Variants in EXOC4 observed in about 807,000 individuals in gnomAD.
The protein encoded by EXOC4 is SEC8-like 1.
EXOC4 carries 71 observed loss-of-function variants against 107.2 expected under a neutral mutation model. That is an observed-to-expected ratio of 0.66 (90% CI 0.55 to 0.81). The LOEUF (loss-of-function observed/expected upper bound fraction) is 0.81, where lower values mean the gene tolerates loss of function less well. EXOC4 is among the 30% of genes least tolerant of loss of function. EXOC4 has a pLI of 0.00. For synonymous variants in EXOC4, 456 were observed against 441.2 expected, an observed-to-expected ratio of 1.03 and a Z score of -0.42; for missense variants, 1,108 against 1,189.6, an observed-to-expected ratio of 0.93 and a Z score of 1.01.
intron 14 of EXOC4, among the ~76,000 whole-genome samples, chr7:133,976,807 T>C (rs770531692): frequency 6.6e-6 from 1 of 152,240 alleles, no homozygotes; most frequent in Non-Finnish European, 1.5e-5. Context: ...TTAGCTCTTA[T>C]GTCCTAACAA....
At chr7:133,512,800 A>G (rs1401553376) in intron 9 of EXOC4, among the ~76,000 whole-genome samples, 3 of 152,156 alleles carry the variant, frequency 2.0e-5, no homozygotes, top group Non-Finnish European at 4.4e-5. Flanking sequence ...AAGGTTGATC[A>G]TTCTCATCTT....
At chr7:133,910,736 C>A (rs369607606) in intron 12 of EXOC4, among the ~76,000 whole-genome samples, 1 of 152,120 alleles carries the variant, frequency 6.6e-6, no homozygotes, top group African/African-American at 2.4e-5. Context: ...CTAAATTGGA[C>A]GACGGCACTT....
chr7:133,348,660 C>G (rs1054254709), intron 5 of EXOC4, among the ~76,000 whole-genome samples: 2 of 152,178 alleles, frequency 1.3e-5, no homozygotes, highest in Non-Finnish European at 2.9e-5. Flanking sequence ...CCCAAACATG[C>G]TGAATTTAGT....
chr7:133,705,261 G>A (rs1794744599), intron 10 of EXOC4, among the ~76,000 whole-genome samples: 1 of 152,100 alleles, frequency 6.6e-6, no homozygotes, highest in South Asian at 2.1e-4. Context: ...CAGCAATTCA[G>A]GAGTCTAAGG....
At chr7:133,673,008 C>T (rs1793981284) in intron 10 of EXOC4, among the ~76,000 whole-genome samples, 1 of 152,162 alleles carries the variant, frequency 6.6e-6, no homozygotes, top group Non-Finnish European at 1.5e-5. Context: ...ATAGCTGCTA[C>T]CTGTTGGAAA....
intron 11 of EXOC4, among the ~76,000 whole-genome samples, chr7:133,821,759 G>GAAA (rs1797526916): frequency 6.6e-6 from 1 of 152,152 alleles, no homozygotes; most frequent in Non-Finnish European, 1.5e-5. Context: ...TTTTTCAATA[G>GAAA]ATAGATAGAA....
chr7:133,582,017 C>T (rs543345928), intron 9 of EXOC4, among the ~76,000 whole-genome samples: 1 of 152,004 alleles, frequency 6.6e-6, no homozygotes, highest in African/African-American at 2.4e-5. Flanking sequence ...GAGAAATCTG[C>T]CCCCATGATT....
intron 9 of EXOC4, among the ~76,000 whole-genome samples, chr7:133,517,727 C>T (rs530326861): frequency 6.6e-5 from 10 of 152,212 alleles, no homozygotes; most frequent in African/African-American, 1.7e-4. Context: ...TCCCACAATA[C>T]GTGGTAATTA....
intron 10 of EXOC4, among the ~76,000 whole-genome samples, chr7:133,676,913 G>T (rs1291926240): frequency 3.5e-5 from 5 of 143,878 alleles, no homozygotes; most frequent in African/African-American, 7.7e-5. Flanking sequence ...TTATTGGGGG[G>T]TATGTAGTAA....
chr7:133,787,955 T>TTTTTTTTA (rs774395151), intron 10 of EXOC4, among the ~76,000 whole-genome samples: 4 of 31,646 alleles, frequency 1.3e-4, no homozygotes, highest in African/African-American at 3.9e-4. Context: ...GTGCATATAT[T>TTTTTTTTA]TATATATTTA....
intron 9 of EXOC4, among the ~76,000 whole-genome samples, chr7:133,550,745 A>C (rs1280650611): frequency 6.6e-6 from 1 of 152,158 alleles, no homozygotes; most frequent in Non-Finnish European, 1.5e-5. Context: ...TAGCTTCCAC[A>C]TTAGAACCTG....
the EXOC4 span, among the ~76,000 whole-genome samples, chr7:134,095,574 T>A: frequency 1.3e-5 from 2 of 152,120 alleles, no homozygotes; most frequent in Non-Finnish European, 2.9e-5. Context: ...CAAATTATAC[T>A]ATAAGGCTGC....
chr7:133,298,315 C>T (rs961445691), intron 3 of EXOC4, among the ~76,000 whole-genome samples: 3 of 152,000 alleles, frequency 2.0e-5, no homozygotes, highest in Non-Finnish European at 2.9e-5. Flanking sequence ...AGAGTGTGGG[C>T]GAAATTGTCT....
At chr7:133,405,811 C>G (rs1015143023) in intron 7 of EXOC4, among the ~76,000 whole-genome samples, 2 of 152,206 alleles carry the variant, frequency 1.3e-5, no homozygotes, top group Non-Finnish European at 2.9e-5. Context: ...CATGCACACA[C>G]TGTCTTGCTC....
At chr7:133,758,440 A>G (rs1384816360) in intron 10 of EXOC4, among the ~76,000 whole-genome samples, 4 of 152,152 alleles carry the variant, frequency 2.6e-5, no homozygotes, top group African/African-American at 9.7e-5. Context: ...TGCCCGGCCC[A>G]TAGTTTATTC....
chr7:133,834,473 A>T (rs1797875776), intron 11 of EXOC4, among the ~76,000 whole-genome samples: 1 of 152,224 alleles, frequency 6.6e-6, no homozygotes, highest in South Asian at 2.1e-4. Context: ...TTGCATCAGG[A>T]ATAAAGACTC....
Position 133,654,303 on chromosome 7 carries a change from C to G in EXOC4, c.1514+24162C>G, listed in dbSNP as rs538620904. On this transcript the variant is annotated intron_variant, in intron 10 of 17. Coordinates refer to ENST00000253861, the MANE Select transcript of EXOC4 (RefSeq NM_021807.4). ...GTTCAGGTTTTAGAGTCAAACTAAT[C>G]TAAGTTCCATTCTTGTTTTAGTCAC... is the stretch of plus-strand genomic sequence containing the variant. Among the ~76,000 whole-genome samples, 10 of 152,288 alleles carry G rather than the reference C, an allele frequency of 6.6e-5. No homozygotes were observed. The East Asian group carries it at 1.7e-3, about 26-fold the overall frequency.
intron 14 of EXOC4, among the ~76,000 whole-genome samples, chr7:133,953,971 T>C (rs1800752864): frequency 6.6e-6 from 1 of 152,244 alleles, no homozygotes; most frequent in African/African-American, 2.4e-5. Flanking sequence ...GGAGGAATCC[T>C]GCAGGAACCC....
chr7:133,762,725 A>G (rs1796058566), intron 10 of EXOC4, among the ~76,000 whole-genome samples: 2 of 152,132 alleles, frequency 1.3e-5, no homozygotes. Context: ...TATTAAAATG[A>G]TATTTACCAA....
Sources: allele counts gnomAD v4.1 joint callset (sites outside exome capture counted in the v4.1 genomes callset), GRCh38; gene constraint gnomAD v4.1.1; transcripts MANE v1.5; gene names NCBI Gene and HGNC (gene_info 2026-07-23, HGNC 2026-07-21).